Variants in RGS3 observed in about 807,000 individuals in gnomAD.
RGS3 encodes regulator of G-protein signalling 3.
RGS3 carries 80 observed loss-of-function variants against 132.6 expected under a neutral mutation model. That is an observed-to-expected ratio of 0.60 (90% CI 0.50 to 0.73). The LOEUF (loss-of-function observed/expected upper bound fraction) is 0.73, where lower values mean the gene tolerates loss of function less well. Ranked by LOEUF, RGS3 falls within the 30% of genes least tolerant of loss-of-function variation. RGS3 has a pLI of 0.00. For missense variants in RGS3, 1,382 were observed against 1,530.8 expected, an observed-to-expected ratio of 0.90 and a Z score of 1.62; for synonymous variants, 598 against 620.6, an observed-to-expected ratio of 0.96 and a Z score of 0.54.
intron 19 of RGS3, among the ~76,000 whole-genome samples, chr9:113,545,394 G>A (rs1402291574): frequency 6.6e-6 from 1 of 152,204 alleles, no homozygotes; most frequent in Non-Finnish European, 1.5e-5. Context: ...GAATAAAGGG[G>A]AATCAAATGG....
chr9:113,584,403 C>A, exon 20 of RGS3: 1 of 1,525,326 alleles, frequency 6.6e-7, no homozygotes, highest in Non-Finnish European at 8.7e-7. Flanking sequence ...ACCACCTTTC[C>A]CTCTTCTTCA....
At chr9:113,539,404 G>A (rs1393480050) in intron 19 of RGS3, among the ~76,000 whole-genome samples, 1 of 152,170 alleles carries the variant, frequency 6.6e-6, no homozygotes, top group Non-Finnish European at 1.5e-5. Flanking sequence ...CTGCCTCCTG[G>A]GTTCAAGCGA....
chr9:113,483,430 G>A lies in RGS3; in HGVS notation c.525+313G>A, dbSNP rs1044593290. 3.9e-5 allele frequency among the ~76,000 whole-genome samples: 6 copies of A among 152,178 alleles called. No homozygotes were observed. In the South Asian group the frequency reaches 6.2e-4, roughly 16 times the overall value. On this transcript the variant is annotated intron_variant, in intron 5 of 24. Coordinates refer to ENST00000350696, the Ensembl canonical transcript of RGS3. ...CCCAAGACCTCTTGTGAAAAGCACC[G>A]TTTTCACCCACTTTCCCCCCAAACT...
At position 113,507,810 on chromosome 9, in the gene RGS3, G is replaced by C. The variant is rs1831206408; in HGVS notation, c.1437+172G>C. Among the ~76,000 whole-genome samples, 1 of 152,198 alleles carries C rather than the reference G, an allele frequency of 6.6e-6. No individual in the cohort carries two copies. The highest frequency in any genetic ancestry group is 6.5e-5 in the Admixed American group (1 of 15,286). On this transcript the variant is annotated intron_variant, in intron 13 of 24. Coordinates refer to ENST00000350696, the Ensembl canonical transcript of RGS3. The surrounding 1 kb of genome is among the most constrained non-coding windows in gnomAD (Gnocchi z 5.0). ...TCTGCAAGGCTGTTCTTGGTAGGGA[G>C]GACAGATGGGTCTATGTGGCCTCAG...
At chr9:113,504,651 A>G (rs951879040) in intron 10 of RGS3, among the ~76,000 whole-genome samples, 5 of 152,330 alleles carry the variant, frequency 3.3e-5, no homozygotes, top group African/African-American at 1.2e-4. Flanking sequence ...ATGCCTCTGT[A>G]TGTCCACAGA....
chr9:113,481,318 A>G (rs947179465), intron 4 of RGS3, among the ~76,000 whole-genome samples: 17 of 152,196 alleles, frequency 1.1e-4, no homozygotes, highest in African/African-American at 3.9e-4. Context: ...GAGGACAGGG[A>G]CTGGGTGTGG....
At chr9:113,452,967 AAT>A (rs1399055069) in intron 1 of RGS3, among the ~76,000 whole-genome samples, 1 of 136,266 alleles carries the variant, frequency 7.3e-6, no homozygotes, top group African/African-American at 2.7e-5. Flanking sequence ...ATATAAATAA[AAT>A]ATATTTATAC....
At chr9:113,480,144 T>C (rs1212098303) in intron 4 of RGS3, among the ~76,000 whole-genome samples, 2 of 152,204 alleles carry the variant, frequency 1.3e-5, no homozygotes, top group Non-Finnish European at 2.9e-5. Flanking sequence ...TAGTCAATCC[T>C]GTGTAAGTTT....
rs1835429836 is a variant in RGS3 at position 113,591,530 on chromosome 9, G to A, written c.3080+133G>A. 1.0e-5 allele frequency: 8 copies of A among 776,562 alleles called. No homozygotes were observed. The East Asian group carries it at 2.1e-4, about 20-fold the overall frequency. 48.1% of individuals were successfully genotyped at this position (776,562 alleles called of 1,614,324 possible). A position where few individuals can be genotyped will look rare whatever the true frequency, so the allele number is the denominator to read the frequency against. On this transcript the variant is annotated intron_variant, in intron 21 of 24. Transcript: ENST00000350696. This position sits in a 1 kb window ranked among gnomAD's most constrained non-coding sequence, Gnocchi z 4.4. ...CCCACAACCCCAGACAGACACCAAG[G>A]AAAAACTGGATCTTGGAACTTTGCA...
At chr9:113,554,381 C>G (rs1833482117) in intron 19 of RGS3, among the ~76,000 whole-genome samples, 1 of 152,220 alleles carries the variant, frequency 6.6e-6, no homozygotes, top group South Asian at 2.1e-4. Flanking sequence ...TCTTGGCTCA[C>G]TGCAACCTCC....
rs747724113 is a variant in RGS3 at position 113,594,491 on chromosome 9, C to T, written c.3142C>T (p.Pro1048Ser). 10 of 1,613,650 alleles carry T rather than the reference C, an allele frequency of 6.2e-6. No individual in the cohort carries two copies. The highest frequency in any genetic ancestry group is 8.5e-6 in the Non-Finnish European group (10 of 1,180,022). ...ACGGCGGAATGAGTCCCCTGGAGCC[C>T]CTCCCGCGGGCAAGGCAGACAAAAT... Residue 1048 changes from proline (P) to serine (S), a missense_variant, in exon 22 of 25, where the codon CCT (proline) becomes TCT (serine). By Grantham distance (74) the Pro-to-Ser change is moderately conservative. Coordinates refer to ENST00000350696, the Ensembl canonical transcript of RGS3.
rs1383814688 is a variant in RGS3 at position 113,564,513 on chromosome 9, G to A, written c.2038-18937G>A. ...TCAGAGAGGGGAAGGAACTTGCTCA[G>A]TGACACCCAATTAACCAGTGCTGGA... On this transcript the variant is annotated intron_variant, in intron 19 of 24. Transcript: ENST00000350696. Among the ~76,000 whole-genome samples the A allele has an allele frequency of 2.0e-5, 3 of 152,218 alleles. No individual in the cohort carries two copies. The East Asian group carries it at 5.8e-4, about 29-fold the overall frequency.
At chr9:113,470,660 C>T (rs1439194668) in intron 3 of RGS3, among the ~76,000 whole-genome samples, 1 of 152,138 alleles carries the variant, frequency 6.6e-6, no homozygotes, top group Non-Finnish European at 1.5e-5. Flanking sequence ...GCTGTGTCTG[C>T]TGCAAAGAAC....
At chr9:113,480,473 A>G (rs1039877394) in intron 4 of RGS3, among the ~76,000 whole-genome samples, 2 of 151,896 alleles carry the variant, frequency 1.3e-5, no homozygotes, top group South Asian at 2.1e-4. Context: ...AAAAAAAAAA[A>G]AAAAAGAAAA....
exon 20 of RGS3, chr9:113,584,318 G>A: frequency 6.2e-7 from 1 of 1,603,058 alleles, no homozygotes; most frequent in Non-Finnish European, 8.5e-7. Context: ...GACGGTGAGG[G>A]CGCCGCCTCC....
intron 19 of RGS3, among the ~76,000 whole-genome samples, chr9:113,544,377 C>T (rs1833026070): frequency 6.6e-6 from 1 of 151,506 alleles, no homozygotes; most frequent in African/African-American, 2.4e-5. Context: ...AGCCATCAGG[C>T]CTGGATCTCT....
At chr9:113,574,343 CT>C (rs771734195) in intron 19 of RGS3, among the ~76,000 whole-genome samples, 36 of 152,216 alleles carry the variant, frequency 2.4e-4, no homozygotes, top group Non-Finnish European at 4.3e-4. Flanking sequence ...CTTTTCCCCC[CT>C]ATTACCTCCT....
chr9:113,542,369 C>G, intron 19 of RGS3, among the ~76,000 whole-genome samples: 1 of 152,114 alleles, frequency 6.6e-6, no homozygotes, highest in Admixed American at 6.5e-5. Flanking sequence ...ACTGGAGAGC[C>G]ATTGAAGGCT....
intron 20 of RGS3, among the ~76,000 whole-genome samples, chr9:113,588,547 T>G (rs1211199699): frequency 6.6e-6 from 1 of 152,208 alleles, no homozygotes; most frequent in African/African-American, 2.4e-5. Flanking sequence ...AGGCCAGTTA[T>G]CAAACTGCCC....
Sources: gnomAD v4.1 joint callset for allele counts (sites outside exome capture counted in the v4.1 genomes callset) on GRCh38, gnomAD v4.1.1 for gene constraint, Gnocchi (gnomAD v3.1) non-coding constraint, MANE v1.5 for transcripts, NCBI Gene and HGNC (gene_info 2026-07-23, HGNC 2026-07-21) for gene names.